MROH7: variants seen among roughly 807,000 people sequenced by gnomAD.
MROH7 encodes the protein maestro heat like repeat family member 7, also known as maestro heat-like repeat-containing protein family member 7.
A neutral mutation model predicts 129.2 loss-of-function variants in MROH7; 113 were observed. The ratio of observed to expected loss-of-function variants is 0.87; its 90% CI spans 0.75 to 1.02. The LOEUF (loss-of-function observed/expected upper bound fraction) is 1.02, where lower values mean the gene tolerates loss of function less well. MROH7 is among the 50% of genes least tolerant of loss of function. The pLI is 0.00. For missense variants in MROH7, 1,601 were observed against 1,671.3 expected, an observed-to-expected ratio of 0.96 and a Z score of 0.73; for synonymous variants, 655 against 667.9, an observed-to-expected ratio of 0.98 and a Z score of 0.30.
rs752654128 is a variant in MROH7 at position 54,653,561 on chromosome 1, T to C, written c.635T>C (p.Leu212Pro). The C allele has an allele frequency of 1.2e-6, 2 of 1,614,196 alleles. No individual in the cohort carries two copies. Among genetic ancestry groups the C allele is most frequent in the Non-Finnish European group, 1.7e-6 (2 of 1,180,044 alleles). The change falls in exon 3 of 24, where the codon CTT becomes CCT. Residue 212 changes from leucine to proline, a missense_variant. Transcript: ENST00000421030. ...CCAACCTCAAACTCTTCTCTGGACC[T>C]TGACTCCAATCCATTGCTCAACATG... ...LIPTSNSSLD[L>P]DSNPLLNMGS...
chr1:54,684,331 C>G (rs756321325), intron 14 of MROH7, among the ~76,000 whole-genome samples: 14 of 152,186 alleles, frequency 9.2e-5, no homozygotes, highest in African/African-American at 2.9e-4. Context: ...GCAGATCTTC[C>G]GCTTCCAAAT....
At chr1:54,671,148 G>C (rs1176917543) in intron 7 of MROH7, among the ~76,000 whole-genome samples, 1 of 152,192 alleles carries the variant, frequency 6.6e-6, no homozygotes, top group Non-Finnish European at 1.5e-5. Context: ...AGCACTTTGG[G>C]AGGCTGAGCC....
chr1:54,683,171 T>A (rs1015855496), intron 14 of MROH7, among the ~76,000 whole-genome samples: 3 of 152,218 alleles, frequency 2.0e-5, no homozygotes, highest in South Asian at 4.1e-4. Flanking sequence ...ACCTCTTCTC[T>A]ATTTTTTTAA....
chr1:54,700,355 A>AG lies in MROH7; in HGVS notation c.3001dup (p.Glu1001GlyfsTer34), dbSNP rs748568746. 2 of 1,614,102 alleles carry AG rather than the reference A, an allele frequency of 1.2e-6. No homozygotes were observed. The highest frequency in any genetic ancestry group is 1.7e-6 in the Non-Finnish European group (2 of 1,179,994). On this transcript the variant is annotated frameshift_variant, in exon 18 of 24. Coordinates refer to ENST00000421030, the MANE Select transcript of MROH7 (RefSeq NM_001039464.4). LOFTEE classifies it high-confidence loss of function. Reference sequence around the variant, plus strand: ...ATGGAGCAGGTGCGCCGGATCCCCGAGGAATACTCTCTGGGGCGGATGGCA... The same window carrying AG: ...ATGGAGCAGGTGCGCCGGATCCCCGAGGGAATACTCTCTGGGGCGGATGGCA...
intron 16 of MROH7, among the ~76,000 whole-genome samples, chr1:54,693,015 G>C (rs982272202): frequency 1.4e-4 from 21 of 152,242 alleles, no homozygotes; most frequent in Middle Eastern, 3.4e-3. Flanking sequence ...CACCTCTGAG[G>C]GTTGGGGTGA....
chr1:54,654,230 G>T, intron 3 of MROH7, 73 bp downstream of exon 3: 1 of 1,410,058 alleles, frequency 7.1e-7, no homozygotes. Flanking sequence ...TTAGGGCAGG[G>T]AGAGGAGAAG....
intron 3 of MROH7, among the ~76,000 whole-genome samples, chr1:54,658,216 G>A (rs542878331): frequency 3.8e-4 from 58 of 152,030 alleles, no homozygotes; most frequent in East Asian, 3.5e-3. Flanking sequence ...AGTTTTTCTT[G>A]CTCTATTTGT....
At chr1:54,688,212 T>A (rs1168654930) in intron 15 of MROH7, among the ~76,000 whole-genome samples, 8 of 147,850 alleles carry the variant, frequency 5.4e-5, no homozygotes, top group Non-Finnish European at 7.4e-5. Context: ...ACAGCGAGAC[T>A]CCGTCTCAAA....
intron 12 of MROH7, 61 bp downstream of exon 12, chr1:54,679,500 C>A (rs1375675231): frequency 1.3e-6 from 2 of 1,550,424 alleles, no homozygotes; most frequent in African/African-American, 1.4e-5. Flanking sequence ...CCCCCCATGG[C>A]CTGCTCATCA....
chr1:54,699,777 T>C lies in MROH7; in HGVS notation c.2965-544T>C, dbSNP rs1057319121. The C allele has an allele frequency of 7.7e-5, 26 of 337,522 alleles. No homozygotes were observed. The Admixed American group carries it at 1.1e-3, about 14-fold the overall frequency. The allele number at this position is 337,522 out of a possible 1,614,324, so 20.9% of individuals were successfully genotyped here. On this transcript the variant is annotated intron_variant, in intron 17 of 23. Coordinates refer to ENST00000421030, the MANE Select transcript of MROH7 (RefSeq NM_001039464.4). Reference sequence around the variant, plus strand: ...TGGAGGCACTGAAGGTTTCCAGCTGTCGCCTCAGGAGGAAGTCCAGGGCAC... The same window carrying C: ...TGGAGGCACTGAAGGTTTCCAGCTGCCGCCTCAGGAGGAAGTCCAGGGCAC...
At position 54,653,664 on chromosome 1, in the gene MROH7, G is replaced by A; in HGVS notation, c.738G>A (p.Glu246=). The change falls in exon 3 of 24, where the codon GAG becomes GAA. Residue 246 remains glutamate (E), a synonymous_variant. Coordinates refer to ENST00000421030, the MANE Select transcript of MROH7 (RefSeq NM_001039464.4). ...SHGTLIPDTN[E]TITLASHNIS... is the part of the protein sequence containing the mutation. Reference sequence around the variant, plus strand: ...GGACCCTAATCCCAGACACAAATGAGACCATCACTTTGGCTTCACATAATA... The same window carrying A: ...GGACCCTAATCCCAGACACAAATGAAACCATCACTTTGGCTTCACATAATA... 6.2e-7 allele frequency: 1 copy of A among 1,614,122 alleles called. No homozygotes were observed. The highest frequency in any genetic ancestry group is 8.5e-7 in the Non-Finnish European group (1 of 1,180,032).
chr1:54,687,391 T>C (rs1251933919), intron 15 of MROH7, among the ~76,000 whole-genome samples: 1 of 152,228 alleles, frequency 6.6e-6, no homozygotes, highest in Non-Finnish European at 1.5e-5. Context: ...TCTCTTTATT[T>C]TTAACAGCTG....
chr1:54,643,860 T>C (rs1421704052), intron 1 of MROH7, among the ~76,000 whole-genome samples: 1 of 152,232 alleles, frequency 6.6e-6, no homozygotes, highest in African/African-American at 2.4e-5. Flanking sequence ...GAGAATTTTC[T>C]TTCAACTCTT....
intron 5 of MROH7, among the ~76,000 whole-genome samples, chr1:54,669,973 C>T (rs964125919): frequency 2.1e-5 from 3 of 140,002 alleles, no homozygotes; most frequent in Non-Finnish European, 3.0e-5. Flanking sequence ...CATTACACTC[C>T]AATCTGGGTA....
rs751752502 is a variant in MROH7 at position 54,670,472 on chromosome 1, G to T, written c.1390-25G>T. 2.5e-6 allele frequency: 4 copies of T among 1,609,664 alleles called. No individual in the cohort carries two copies. The African/African-American group carries it at 4.0e-5, about 16-fold the overall frequency. ...GGCCTGCAGTAGCCCTGTCCTCATC[G>T]GCCCTTCTGTGGCCCCCTGTCCAGA... On this transcript the variant is annotated intron_variant, in intron 5 of 23. Transcript: ENST00000421030.
intron 8 of MROH7, among the ~76,000 whole-genome samples, chr1:54,673,432 T>C (rs568137): frequency 0.28 from 42,830 of 151,762 alleles, 6,167 homozygotes; most frequent in Middle Eastern, 0.4. Flanking sequence ...ATCTCTGTGC[T>C]CTTCCCATGC....
chr1:54,702,734 T>G lies in MROH7; in HGVS notation c.3553T>G (p.Cys1185Gly). The change falls in exon 21 of 24, where the codon TGC (cysteine) becomes GGC (glycine). Residue 1185 changes from cysteine to glycine, a missense_variant. Transcript: ENST00000421030. The stretch of plus-strand genomic sequence containing the variant: ...CCAACAGCAGACAGTGGCCAAAATT[T>G]GCAAGTGCCTTGTGAGTGCTCCCAG... ...DNQQQTVAKICKCLVNTHRDS... is the reference protein window; with the variant it reads ...DNQQQTVAKIGKCLVNTHRDS... 1 of 1,612,830 alleles carries G rather than the reference T, an allele frequency of 6.2e-7. No homozygotes were observed.
chr1:54,699,208 TC>T, intron 17 of MROH7: 1 of 138,506 alleles, frequency 7.2e-6, no homozygotes, highest in East Asian at 2.0e-4. Flanking sequence ...TTTCTTTCTC[TC>T]CCTCTCTTTC....
intron 1 of MROH7, among the ~76,000 whole-genome samples, chr1:54,649,542 G>A (rs187516036): frequency 4.3e-4 from 66 of 152,382 alleles, no homozygotes; most frequent in African/African-American, 1.4e-3. Flanking sequence ...GGAGGACTGG[G>A]GGTAGGTCAG....
Sources: gnomAD v4.1 joint callset for allele counts (sites outside exome capture counted in the v4.1 genomes callset) on GRCh38, gnomAD v4.1.1 for gene constraint, MANE v1.5 for transcripts, NCBI Gene and HGNC (gene_info 2026-07-23, HGNC 2026-07-21) for gene names.